The following PCSK5 variants were observed in gnomAD, a reference collection of about 807,000 sequenced individuals.
PCSK5 encodes prohormone convertase 5.
PCSK5 carries 129 observed loss-of-function variants against 233.2 expected under a neutral mutation model. The observed-to-expected ratio is 0.55, with a 90% CI of 0.48 to 0.64. PCSK5 has a LOEUF of 0.64. PCSK5 is among the 30% of genes least tolerant of loss of function. PCSK5 has a pLI of 0.00. For synonymous variants in PCSK5, 825 were observed against 879.2 expected (o/e 0.94, Z 1.09); for missense variants, 2,076 against 2,430.1 (o/e 0.85, Z 3.06).
At chr9:76,143,787 G>T (rs185564720) in intron 10 of PCSK5, among the ~76,000 whole-genome samples, 1 of 150,650 alleles carries the variant, frequency 6.6e-6, no homozygotes, top group Non-Finnish European at 1.5e-5. Flanking sequence ...AATAAACCCC[G>T]GGCAAAGGGT....
chr9:76,086,106 A>C (rs1831051673), intron 7 of PCSK5, among the ~76,000 whole-genome samples: 1 of 152,168 alleles, frequency 6.6e-6, no homozygotes, highest in African/African-American at 2.4e-5. Context: ...TAATTTCATA[A>C]ACCTGGCCCT....
At chr9:75,975,733 A>G (rs1029365816) in intron 2 of PCSK5, among the ~76,000 whole-genome samples, 1 of 152,238 alleles carries the variant, frequency 6.6e-6, no homozygotes, top group Admixed American at 6.5e-5. Flanking sequence ...GCAGTTATCT[A>G]AAACTTCAAC....
chr9:75,963,346 A>G (rs1406422359), intron 2 of PCSK5, among the ~76,000 whole-genome samples: 1 of 152,174 alleles, frequency 6.6e-6, no homozygotes, highest in Non-Finnish European at 1.5e-5. Context: ...AATTCTAACA[A>G]TTTATGGTGA....
At chr9:75,945,950 T>C (rs1322793043) in intron 2 of PCSK5, among the ~76,000 whole-genome samples, 1 of 152,230 alleles carries the variant, frequency 6.6e-6, no homozygotes, top group Non-Finnish European at 1.5e-5. Context: ...ATTTCCTCTT[T>C]GATATCTATG....
intron 10 of PCSK5, among the ~76,000 whole-genome samples, chr9:76,139,001 A>C (rs1338743): frequency 0.38 from 57,338 of 151,466 alleles, 11,707 homozygotes; most frequent in East Asian, 0.6. Flanking sequence ...ACTGATTACC[A>C]ACCGTGGGGA....
At chr9:76,065,134 G>A (rs949581979) in intron 5 of PCSK5, among the ~76,000 whole-genome samples, 3 of 152,156 alleles carry the variant, frequency 2.0e-5, no homozygotes, top group African/African-American at 4.8e-5. Context: ...TCAATAGGCT[G>A]ACTTCCTTTA....
Position 76,190,668 on chromosome 9 carries a change from T to G in PCSK5, c.2626+922T>G, listed in dbSNP as rs372172276. Among the ~76,000 whole-genome samples, 6 of 152,330 alleles carry G rather than the reference T, an allele frequency of 3.9e-5. No individual in the cohort carries two copies. In the East Asian group the frequency reaches 5.8e-4, roughly 15 times the overall value. ...TGTATAAACAGTAATTAAATGGGTATCTGAATCTTTCATTAAGCCTGTGAG... is the reference window on the plus strand; with the variant it reads ...TGTATAAACAGTAATTAAATGGGTAGCTGAATCTTTCATTAAGCCTGTGAG... On this transcript the variant is annotated intron_variant, in intron 20 of 37. Coordinates refer to ENST00000674117, the MANE Select transcript of PCSK5 (RefSeq NM_001372043.1).
chr9:76,061,361 T>C (rs1334560499), intron 5 of PCSK5, among the ~76,000 whole-genome samples: 4 of 152,186 alleles, frequency 2.6e-5, no homozygotes, highest in Non-Finnish European at 5.9e-5. Context: ...TACCAAAAGA[T>C]AACTAATTAC....
At chr9:76,251,191 C>G (rs1328664176) in intron 24 of PCSK5, among the ~76,000 whole-genome samples, 1 of 152,120 alleles carries the variant, frequency 6.6e-6, no homozygotes, top group Non-Finnish European at 1.5e-5. Flanking sequence ...GACTTAAGCC[C>G]AGGAGTTCAA....
At chr9:76,304,556 T>G (rs1327985741) in intron 28 of PCSK5, among the ~76,000 whole-genome samples, 3 of 151,830 alleles carry the variant, frequency 2.0e-5, no homozygotes, top group Non-Finnish European at 4.4e-5. Context: ...ACTTGACACG[T>G]ATTATCTCAT....
intron 11 of PCSK5, among the ~76,000 whole-genome samples, chr9:76,157,644 T>C (rs1266466548): frequency 6.6e-6 from 1 of 151,916 alleles, no homozygotes; most frequent in East Asian, 1.9e-4. Flanking sequence ...GATTCTATCT[T>C]AGTAGGCTTA....
intron 5 of PCSK5, among the ~76,000 whole-genome samples, chr9:76,040,200 G>T (rs770386606): frequency 7.2e-5 from 11 of 152,128 alleles, no homozygotes; most frequent in African/African-American, 2.7e-4. Context: ...AGCTGAAAAC[G>T]GTTAACACTC....
chr9:76,028,171 G>C (rs187978321), intron 5 of PCSK5, among the ~76,000 whole-genome samples: 1 of 152,262 alleles, frequency 6.6e-6, no homozygotes, highest in African/African-American at 2.4e-5. Flanking sequence ...AATTGCTATA[G>C]GTAGAATTTT....
intron 6 of PCSK5, 97 bp from the exon 7 acceptor site, chr9:76,071,627 TAA>T: frequency 9.9e-7 from 1 of 1,012,826 alleles, no homozygotes; most frequent in Non-Finnish European, 1.5e-6. Context: ...AAGTGTTGAT[TAA>T]AAATGTATTC....
chr9:75,981,378 A>G (rs553865873), intron 2 of PCSK5, among the ~76,000 whole-genome samples: 1 of 152,338 alleles, frequency 6.6e-6, no homozygotes, highest in East Asian at 1.9e-4. Flanking sequence ...GGTGACTGGT[A>G]GCTAATCTAA....
chr9:76,045,190 A>C (rs541986286), intron 5 of PCSK5, among the ~76,000 whole-genome samples: 4 of 152,358 alleles, frequency 2.6e-5, no homozygotes, highest in African/African-American at 9.6e-5. Flanking sequence ...TCACTAGAAT[A>C]CAGTAATTAT....
chr9:75,997,386 T>G (rs1827064536), intron 3 of PCSK5, among the ~76,000 whole-genome samples: 1 of 152,200 alleles, frequency 6.6e-6, no homozygotes, highest in Non-Finnish European at 1.5e-5. Flanking sequence ...ATGCCTAAAT[T>G]GTCTGGGGAG....
chr9:76,019,718 G>A (rs1828100298), intron 3 of PCSK5, among the ~76,000 whole-genome samples: 1 of 152,164 alleles, frequency 6.6e-6, no homozygotes, highest in African/African-American at 2.4e-5. Context: ...TGCACCCAGA[G>A]TGGTTTATAA....
intron 2 of PCSK5, among the ~76,000 whole-genome samples, chr9:75,961,845 T>C (rs2131345149): frequency 6.6e-6 from 1 of 152,358 alleles, no homozygotes; most frequent in East Asian, 1.9e-4. Flanking sequence ...CTCAACTGTT[T>C]CTTTTTGCAT....
Sources: allele counts gnomAD v4.1 joint callset (sites outside exome capture counted in the v4.1 genomes callset), GRCh38; gene constraint gnomAD v4.1.1; transcripts MANE v1.5; gene names NCBI Gene and HGNC (gene_info 2026-07-23, HGNC 2026-07-21).